The following PRKX variants were observed in gnomAD, a reference collection of about 807,000 sequenced individuals.
PRKX encodes protein kinase cAMP-dependent X-linked catalytic subunit, also known as cAMP-dependent protein kinase catalytic subunit PRKX.
In PRKX, 12 loss-of-function variants were observed where a neutral mutation model predicts 22.0. The observed-to-expected ratio is 0.54, with a 90% confidence interval of 0.35 to 0.88. The LOEUF (loss-of-function observed/expected upper bound fraction) is 0.88. Ranked by LOEUF, PRKX falls within the 40% of genes least tolerant of loss-of-function variation. The pLI, the probability that PRKX is intolerant of heterozygous loss-of-function variation, is 0.01. For synonymous variants in PRKX, 134 were observed against 137.7 expected (o/e 0.97, Z 0.19); for missense variants, 217 against 308.0 (o/e 0.70, Z 2.21).
At chrX:3,692,150 A>G (rs1268883927) in intron 1 of PRKX, among the ~76,000 whole-genome samples, 1 of 108,286 alleles carries the variant, frequency 9.2e-6, no homozygotes, top group African/African-American at 3.4e-5. Flanking sequence ...AGAGAGACAG[A>G]AAGAGAGAGA....
chrX:3,695,035 G>A, intron 1 of PRKX, among the ~76,000 whole-genome samples: 1 of 111,715 alleles, frequency 9.0e-6, no homozygotes, highest in Non-Finnish European at 1.9e-5. Flanking sequence ...AGACAATGGA[G>A]CAGGACACTC....
At chrX:3,612,014 G>A (rs1417981496) in intron 8 of PRKX, among the ~76,000 whole-genome samples, 163 bp downstream of exon 8, 1 of 111,072 alleles carries the variant, frequency 9.0e-6, no homozygotes, top group African/African-American at 3.3e-5. Context: ...CACAGGCATG[G>A]CTGTGTTTAT....
At chrX:3,618,068 AGAGAG>A (rs1421858064) in intron 6 of PRKX, among the ~76,000 whole-genome samples, 25 of 72,059 alleles carry the variant, frequency 3.5e-4, no homozygotes, top group Non-Finnish European at 6.4e-4. Flanking sequence ...AAAAAAAAAA[AGAGAG>A]AGAGAGAGAG....
At chrX:3,623,151 C>CGT (rs60593114) in intron 5 of PRKX, among the ~76,000 whole-genome samples, 14,504 of 95,952 alleles carry the variant, frequency 0.15, 1,083 homozygotes, top group African/African-American at 0.25. Flanking sequence ...TAAATTTCAA[C>CGT]GTGTGTGTGT....
chrX:3,627,016 G>GA lies in PRKX; in HGVS notation c.720-503dup, dbSNP rs200936164. On this transcript the variant is annotated intron_variant, in intron 4 of 8. Coordinates refer to ENST00000262848, the MANE Select transcript of PRKX (RefSeq NM_005044.5). Reference sequence around the variant, plus strand: ...ACATGGAAAAGGCCAACATGTATATGAAAAAAAATGCTCAACGTCACTAAT... The same window carrying GA: ...ACATGGAAAAGGCCAACATGTATATGAAAAAAAAATGCTCAACGTCACTAAT... Among the ~76,000 whole-genome samples the GA allele has an allele frequency of 2.4e-3, 270 of 111,081 alleles. 2 individuals carry two copies. Among genetic ancestry groups the GA allele is most frequent in the African/African-American group, 8.4e-3 (257 of 30,644 alleles).
At chrX:3,644,724 A>G (rs1927154716) in intron 3 of PRKX, among the ~76,000 whole-genome samples, 2 of 112,041 alleles carry the variant, frequency 1.8e-5, no homozygotes, top group South Asian at 7.4e-4. Context: ...CACTTCTGTC[A>G]TTCTGCAAGA....
intron 1 of PRKX, among the ~76,000 whole-genome samples, chrX:3,685,588 G>A (rs902491056): frequency 2.0e-4 from 22 of 110,905 alleles, no homozygotes; most frequent in Non-Finnish European, 3.8e-4. Flanking sequence ...TTCAAACATC[G>A]GCTTCCCAAA....
chrX:3,709,919 A>G (rs1928755149), intron 1 of PRKX, among the ~76,000 whole-genome samples: 1 of 109,780 alleles, frequency 9.1e-6, no homozygotes. Context: ...TTCCCAGGTA[A>G]CTCAGGTATG....
chrX:3,667,581 G>A (rs1372844026), intron 2 of PRKX: 2 of 110,430 alleles, frequency 1.8e-5, no homozygotes, highest in African/African-American at 6.6e-5. Context: ...TGCTGCAGAT[G>A]TTTTGCCCTC....
chrX:3,684,307 A>C (rs1476578958), intron 1 of PRKX, among the ~76,000 whole-genome samples: 1 of 112,182 alleles, frequency 8.9e-6, no homozygotes, highest in Non-Finnish European at 1.9e-5. Context: ...AGAATTTGGT[A>C]GGAGTGGTCA....
At chrX:3,656,851 G>T (rs1927492241) in intron 2 of PRKX, among the ~76,000 whole-genome samples, 2 of 112,012 alleles carry the variant, frequency 1.8e-5, no homozygotes, top group Non-Finnish European at 3.8e-5. Flanking sequence ...ATTACCCTCA[G>T]TTCTGGAGGC....
At chrX:3,708,198 T>C (rs1027503189) in intron 1 of PRKX, among the ~76,000 whole-genome samples, 23 of 111,505 alleles carry the variant, frequency 2.1e-4, no homozygotes, top group Non-Finnish European at 4.1e-4. Flanking sequence ...CCTTCCACCA[T>C]GTGAGGACAC....
chrX:3,699,095 G>T (rs376960441), intron 1 of PRKX, among the ~76,000 whole-genome samples: 1 of 104,895 alleles, frequency 9.5e-6, no homozygotes, highest in African/African-American at 3.5e-5. Context: ...GGAGTACAGC[G>T]GCACCATCTC....
chrX:3,692,844 TA>T (rs1156636639), intron 1 of PRKX, among the ~76,000 whole-genome samples: 2 of 111,576 alleles, frequency 1.8e-5, no homozygotes, highest in Non-Finnish European at 1.9e-5. Context: ...ACTGAACTTT[TA>T]TTGCATTTAA....
intron 2 of PRKX, among the ~76,000 whole-genome samples, chrX:3,656,248 G>A (rs1376208541): frequency 2.7e-5 from 3 of 111,062 alleles, no homozygotes; most frequent in East Asian, 2.8e-4. Flanking sequence ...GTTAATATAT[G>A]GACATAGATG....
chrX:3,691,003 G>A (rs1010861081), intron 1 of PRKX, among the ~76,000 whole-genome samples: 1 of 111,412 alleles, frequency 9.0e-6, no homozygotes, highest in Non-Finnish European at 1.9e-5. Flanking sequence ...ATAGTGTTGC[G>A]GGATAAATCA....
At chrX:3,688,255 A>G (rs57366171) in intron 1 of PRKX, among the ~76,000 whole-genome samples, 18,556 of 88,887 alleles carry the variant, frequency 0.21, 3,024 homozygotes, top group East Asian at 0.5. Flanking sequence ...AGACCAGCCC[A>G]GCCAACATGG....
intron 2 of PRKX, among the ~76,000 whole-genome samples, chrX:3,665,155 T>G (rs991038457): frequency 1.8e-5 from 2 of 111,650 alleles, no homozygotes; most frequent in African/African-American, 6.5e-5. Context: ...CACGTGTGTG[T>G]GCTTGTGTGT....
At chrX:3,622,146 A>G (rs894697709) in intron 5 of PRKX, among the ~76,000 whole-genome samples, 8 of 109,790 alleles carry the variant, frequency 7.3e-5, no homozygotes, top group Non-Finnish European at 1.1e-4. Flanking sequence ...TCAGTCTCAA[A>G]AAAAAACAAA....
Sources: allele counts gnomAD v4.1 joint callset (sites outside exome capture counted in the v4.1 genomes callset), GRCh38; gene constraint gnomAD v4.1.1; transcripts MANE v1.5; gene names NCBI Gene and HGNC (gene_info 2026-07-23, HGNC 2026-07-21).